The following KCNQ3 variants were observed in gnomAD, a reference collection of about 807,000 sequenced individuals.
The protein encoded by KCNQ3 is potassium voltage-gated channel subfamily Q member 3, also known as potassium voltage-gated channel subfamily KQT member 3.
KCNQ3 carries 30 observed loss-of-function variants against 92.5 expected under a neutral mutation model. The ratio of observed to expected loss-of-function variants is 0.32; its 90% CI spans 0.24 to 0.44. KCNQ3 has a LOEUF of 0.44. Among genes scored for constraint, KCNQ3 ranks in the 20% least tolerant of loss-of-function variants. The pLI is 1.00. For missense variants in KCNQ3, 913 were observed against 1,140.3 expected (o/e 0.80, Z 2.87); for synonymous variants, 450 against 468.8 (o/e 0.96, Z 0.52).
rs773211222 is a variant in KCNQ3, at chr8:132,134,275, G to A, written c.1799+15C>T. The A allele has an allele frequency of 3.1e-6, 5 of 1,601,500 alleles. No individual in the cohort carries two copies. Among genetic ancestry groups the A allele is most frequent in the Middle Eastern group, 1.8e-4 (1 of 5,626 alleles). ...TTGCACCCCTGGCCCATCAGTCCATGTCCACTGGCCCCACCTGGGAGATTG... is the reference window on the plus strand; with the variant it reads ...TTGCACCCCTGGCCCATCAGTCCATATCCACTGGCCCCACCTGGGAGATTG... On this transcript the variant is annotated intron_variant, in intron 13 of 14. Coordinates refer to ENST00000388996, the MANE Select transcript of KCNQ3 (RefSeq NM_004519.4).
At chr8:132,360,453 C>A (rs1200545417) in intron 1 of KCNQ3, among the ~76,000 whole-genome samples, 2 of 152,204 alleles carry the variant, frequency 1.3e-5, no homozygotes, top group African/African-American at 4.8e-5. Context: ...TCATTTTCTC[C>A]CCTGCTATTG....
Position 132,129,721 on chromosome 8 carries a change from C to A in KCNQ3, c.2160G>T (p.Leu720=). 6.2e-7 allele frequency: 1 copy of A among 1,614,158 alleles called. No homozygotes were observed. Among genetic ancestry groups the A allele is most frequent in the Non-Finnish European group, 8.5e-7 (1 of 1,180,040 alleles). Reference sequence around the variant, plus strand: ...TTCCAGAACTGGGTCCCCCTCGGGGCAGGTTCACAGGGTCATGTGCAAAAA... The same window carrying A: ...TTCCAGAACTGGGTCCCCCTCGGGGAAGGTTCACAGGGTCATGTGCAAAAA... ...YGFFAHDPVN[L]PRGGPSSGKV... The change falls in exon 15 of 15, where the codon CTG becomes CTT. Residue 720 remains leucine, a synonymous_variant. Transcript: ENST00000388996. The surrounding 1 kb of genome is among the most constrained non-coding windows in gnomAD (Gnocchi z 5.9).
intron 1 of KCNQ3, among the ~76,000 whole-genome samples, chr8:132,229,732 C>G (rs1814567648): frequency 6.6e-6 from 1 of 151,754 alleles, no homozygotes; most frequent in Non-Finnish European, 1.5e-5. Context: ...AGTGGGACAC[C>G]CCAGGGCCTT....
intron 1 of KCNQ3, among the ~76,000 whole-genome samples, chr8:132,319,256 A>C (rs965045644): frequency 1.3e-5 from 2 of 152,116 alleles, no homozygotes; most frequent in African/African-American, 4.8e-5. Context: ...GCTCAGAGAG[A>C]TTGAGTAGCT....
At chr8:132,191,640 TATA>T (rs1210974860) in intron 1 of KCNQ3, among the ~76,000 whole-genome samples, 1 of 147,434 alleles carries the variant, frequency 6.8e-6, no homozygotes, top group Non-Finnish European at 1.5e-5. Context: ...AATTAATATA[TATA>T]ATATATATAA....
At chr8:132,149,691 CG>C (rs1388958364) in intron 9 of KCNQ3, among the ~76,000 whole-genome samples, 3 of 152,322 alleles carry the variant, frequency 2.0e-5, no homozygotes, top group African/African-American at 7.2e-5. Flanking sequence ...CAGACACGCG[CG>C]CGGGACAGTT....
intron 9 of KCNQ3, among the ~76,000 whole-genome samples, chr8:132,154,277 G>A (rs1184878703): frequency 7.2e-6 from 1 of 138,816 alleles, no homozygotes; most frequent in Admixed American, 8.0e-5. Context: ...AAAAGCCCCT[G>A]GGATTTTTGA....
At chr8:132,267,157 C>G (rs946860883) in intron 1 of KCNQ3, among the ~76,000 whole-genome samples, 1 of 152,116 alleles carries the variant, frequency 6.6e-6, no homozygotes, top group African/African-American at 2.4e-5. Context: ...ATACCAAGTG[C>G]CACCTTCAAA....
intron 1 of KCNQ3, among the ~76,000 whole-genome samples, chr8:132,362,494 T>C (rs997837698): frequency 3.3e-5 from 5 of 152,140 alleles, no homozygotes; most frequent in African/African-American, 1.2e-4. Flanking sequence ...GCCCTTGAGA[T>C]GCTCAGGTCA....
At chr8:132,395,587 G>C (rs1313994169) in intron 1 of KCNQ3, among the ~76,000 whole-genome samples, 1 of 152,178 alleles carries the variant, frequency 6.6e-6, no homozygotes, top group East Asian at 1.9e-4. Flanking sequence ...ACAAACCCTA[G>C]GAAAGTGATG....
At chr8:132,255,909 G>A (rs1247906076) in intron 1 of KCNQ3, among the ~76,000 whole-genome samples, 2 of 152,026 alleles carry the variant, frequency 1.3e-5, no homozygotes, top group Admixed American at 6.6e-5. Flanking sequence ...TATTTAAAAT[G>A]TCCAGTTTCA....
chr8:132,181,031 C>T (rs1172103699), intron 3 of KCNQ3, among the ~76,000 whole-genome samples: 1 of 152,138 alleles, frequency 6.6e-6, no homozygotes, highest in Non-Finnish European at 1.5e-5. Context: ...GCCTAGTGAT[C>T]TCCCTAAGCT....
chr8:132,371,653 G>C (rs907713663), intron 1 of KCNQ3, among the ~76,000 whole-genome samples: 1 of 152,178 alleles, frequency 6.6e-6, no homozygotes, highest in Non-Finnish European at 1.5e-5. Context: ...CAGGGAAGGC[G>C]ATCCTTGTCT....
chr8:132,428,730 G>A (rs1039596837), intron 1 of KCNQ3, among the ~76,000 whole-genome samples: 6 of 152,146 alleles, frequency 3.9e-5, no homozygotes, highest in African/African-American at 1.4e-4. Context: ...GCCTCGCCAG[G>A]AGCACTACTT....
At chr8:132,320,258 T>C (rs949662654) in intron 1 of KCNQ3, among the ~76,000 whole-genome samples, 1 of 152,190 alleles carries the variant, frequency 6.6e-6, no homozygotes, top group African/African-American at 2.4e-5. Context: ...ACCAGATATG[T>C]GACCTTGCAC....
At position 132,121,973 on chromosome 8, in the gene KCNQ3, C is replaced by G. The variant is rs970948360; in HGVS notation, c.*7289G>C. 5 of 152,192 alleles carry G rather than the reference C, an allele frequency of 3.3e-5. No homozygotes were observed. Among genetic ancestry groups the G allele is most frequent in the African/African-American group, 9.7e-5 (4 of 41,428 alleles). 9.4% of individuals were successfully genotyped at this position (152,192 alleles called of 1,614,324 possible). A position where few individuals can be genotyped will look rare whatever the true frequency, so the allele number is the denominator to read the frequency against. On this transcript the variant is annotated 3_prime_UTR_variant, in exon 15 of 15. Coordinates refer to ENST00000388996, the MANE Select transcript of KCNQ3 (RefSeq NM_004519.4). ...GGACCTGCTGAACAGACAAGAGGAA[C>G]AGCTGACCCAGGCATCACTCTACTC...
At chr8:132,263,904 T>C (rs1488935223) in intron 1 of KCNQ3, among the ~76,000 whole-genome samples, 1 of 152,082 alleles carries the variant, frequency 6.6e-6, no homozygotes, top group African/African-American at 2.4e-5. Flanking sequence ...GAGCCACCTC[T>C]TGTCTCACCC....
chr8:132,316,161 T>G (rs899949562), intron 1 of KCNQ3, among the ~76,000 whole-genome samples: 1 of 152,174 alleles, frequency 6.6e-6, no homozygotes, highest in Non-Finnish European at 1.5e-5. Flanking sequence ...GCCATCGTGA[T>G]TAAATGGGAC....
chr8:132,241,548 A>C (rs985110823), intron 1 of KCNQ3, among the ~76,000 whole-genome samples: 2 of 151,838 alleles, frequency 1.3e-5, no homozygotes, highest in African/African-American at 4.8e-5. Flanking sequence ...AAAAACACTC[A>C]TTGGGCTGGG....
Sources: gnomAD v4.1 joint callset for allele counts (sites outside exome capture counted in the v4.1 genomes callset) on GRCh38, gnomAD v4.1.1 for gene constraint, Gnocchi (gnomAD v3.1) non-coding constraint, MANE v1.5 for transcripts, NCBI Gene and HGNC (gene_info 2026-07-23, HGNC 2026-07-21) for gene names.